The following RBFOX1 variants were observed in gnomAD, a reference collection of about 807,000 sequenced individuals.
RBFOX1 encodes RNA binding fox-1 homolog 1.
Under a neutral mutation model 57.7 loss-of-function variants are expected in RBFOX1, and 8 were observed. The observed-to-expected ratio is 0.14, with a 90% CI of 0.08 to 0.25. The LOEUF (loss-of-function observed/expected upper bound fraction) is 0.25, where lower values mean the gene tolerates loss of function less well. RBFOX1 is among the 10% of genes least tolerant of loss of function. The pLI, the probability that RBFOX1 is intolerant of heterozygous loss-of-function variation, is 1.00. For synonymous variants in RBFOX1, 326 were observed against 222.4 expected (o/e 1.47, Z -4.15); for missense variants, 611 against 548.5 (o/e 1.11, Z -1.14).
chr16:5,444,606 G>A (rs2068185456), intron 1 of RBFOX1, among the ~76,000 whole-genome samples: 1 of 152,134 alleles, frequency 6.6e-6, no homozygotes, highest in Non-Finnish European at 1.5e-5. Context: ...AGAAATTACG[G>A]GATCTCATGG....
intron 1 of RBFOX1, among the ~76,000 whole-genome samples, chr16:6,250,346 A>C (rs1057513359): frequency 6.6e-6 from 1 of 152,182 alleles, no homozygotes; most frequent in African/African-American, 2.4e-5. Context: ...TATTATTAGA[A>C]TATTAAGCGA....
At chr16:6,572,643 A>C (rs1454474927) in intron 2 of RBFOX1, among the ~76,000 whole-genome samples, 1 of 151,670 alleles carries the variant, frequency 6.6e-6, no homozygotes, top group African/African-American at 2.4e-5. Flanking sequence ...CCCAGGCTGG[A>C]GTGCAGTGTC....
chr16:7,014,241 C>T (rs1307472904), intron 3 of RBFOX1, among the ~76,000 whole-genome samples: 1 of 150,556 alleles, frequency 6.6e-6, no homozygotes, highest in Non-Finnish European at 1.5e-5. Flanking sequence ...AGTGGAGTCT[C>T]GCTCTGTCGC....
intron 1 of RBFOX1, among the ~76,000 whole-genome samples, chr16:6,163,941 G>A (rs998993699): frequency 1.3e-5 from 2 of 152,174 alleles, no homozygotes; most frequent in African/African-American, 2.4e-5. Context: ...ACAATGTGAT[G>A]TTATGGGATA....
At chr16:6,950,623 C>G (rs192777440) in intron 3 of RBFOX1, among the ~76,000 whole-genome samples, 1 of 152,060 alleles carries the variant, frequency 6.6e-6, no homozygotes, top group Non-Finnish European at 1.5e-5. Flanking sequence ...TGCTGTGTGC[C>G]TTATGTAGAA....
rs2048066679 is a variant in RBFOX1, at chr16:5,617,429, C to G, written c.318+18468C>G. 3.3e-5 allele frequency among the ~76,000 whole-genome samples: 5 copies of G among 152,318 alleles called. No homozygotes were observed. In the South Asian group the frequency reaches 1.0e-3, roughly 32 times the overall value. Reference sequence around the variant, plus strand: ...AGTCAAAGCCAGCCTTGCACTGAGTCAAAAACCCCAGAAGCTGTTTCTGTC... The same window carrying G: ...AGTCAAAGCCAGCCTTGCACTGAGTGAAAAACCCCAGAAGCTGTTTCTGTC... On this transcript the variant is annotated intron_variant, in intron 3 of 19. Transcript: ENST00000641259.
intron 2 of RBFOX1, among the ~76,000 whole-genome samples, chr16:6,457,444 C>CCCT (rs1555484706): frequency 2.3e-4 from 30 of 132,936 alleles, no homozygotes; most frequent in African/African-American, 8.0e-4. Flanking sequence ...GAAGTCCCCC[C>CCCT]CCCCGCAATA....
chr16:6,271,587 G>C (rs79932192), intron 1 of RBFOX1, among the ~76,000 whole-genome samples: 2,856 of 152,272 alleles, frequency 0.019, 107 homozygotes, highest in African/African-American at 0.065. Context: ...AAAACTGATA[G>C]AGAGATGACA....
intron 3 of RBFOX1, among the ~76,000 whole-genome samples, chr16:7,029,415 T>C (rs2042221702): frequency 6.6e-6 from 1 of 151,562 alleles, no homozygotes. Context: ...TCAGTTCTTC[T>C]TTTGCTCTTG....
intron 1 of RBFOX1, among the ~76,000 whole-genome samples, chr16:6,264,525 C>A (rs1355515039): frequency 1.3e-5 from 2 of 152,156 alleles, no homozygotes; most frequent in Non-Finnish European, 2.9e-5. Flanking sequence ...TCATTGCTTA[C>A]CATTCACCTC....
intron 3 of RBFOX1, among the ~76,000 whole-genome samples, chr16:6,812,720 G>T (rs1278592565): frequency 6.6e-6 from 1 of 152,086 alleles, no homozygotes; most frequent in African/African-American, 2.4e-5. Flanking sequence ...AATCTTTTAG[G>T]ACAAGTGTGG....
chr16:6,973,271 A>C (rs2085999652), intron 3 of RBFOX1, among the ~76,000 whole-genome samples: 1 of 152,310 alleles, frequency 6.6e-6, no homozygotes, highest in South Asian at 2.1e-4. Context: ...AAGTACTTGG[A>C]ATCAAGTTGA....
At chr16:7,162,450 C>A (rs11646928) in intron 4 of RBFOX1, among the ~76,000 whole-genome samples, 1 of 151,742 alleles carries the variant, frequency 6.6e-6, no homozygotes, top group South Asian at 2.1e-4. Context: ...ATCTAGACTT[C>A]TGGGCGCAGT....
chr16:6,958,357 A>G (rs143134094), intron 3 of RBFOX1, among the ~76,000 whole-genome samples: 8 of 152,306 alleles, frequency 5.3e-5, no homozygotes, highest in African/African-American at 9.6e-5. Context: ...TAGCATTTTT[A>G]TCACCCACCA....
chr16:7,119,197 A>G (rs1021001941), intron 4 of RBFOX1, among the ~76,000 whole-genome samples: 2 of 152,162 alleles, frequency 1.3e-5, no homozygotes, highest in East Asian at 3.9e-4. Context: ...AATCCCACCC[A>G]CAAGCAATGC....
rs570998993 is a variant in RBFOX1 at position 5,580,651 on chromosome 16, A to G, written c.259-18251A>G. Among the ~76,000 whole-genome samples, 17 of 152,254 alleles carry G rather than the reference A, an allele frequency of 1.1e-4. 1 individual carries two copies. The South Asian group carries it at 1.9e-3, about 17-fold the overall frequency. ...GTGGGTTTTGAGCTCCCCACACTGG[A>G]TACCTTTGGGGAGAGGATGCAAACG... On this transcript the variant is annotated intron_variant, in intron 2 of 2. Coordinates refer to the RBFOX1 transcript ENST00000585867.
intron 2 of RBFOX1, among the ~76,000 whole-genome samples, chr16:6,423,074 G>T (rs1047666421): frequency 6.6e-6 from 1 of 152,184 alleles, no homozygotes; most frequent in African/African-American, 2.4e-5. Flanking sequence ...GGGCAGCTAG[G>T]TTGATTCCAT....
intron 3 of RBFOX1, among the ~76,000 whole-genome samples, chr16:5,851,993 C>A (rs2056908871): frequency 6.6e-6 from 1 of 152,088 alleles, no homozygotes; most frequent in African/African-American, 2.4e-5. Flanking sequence ...AGGGCTGTTT[C>A]CCTTCTCTGT....
intron 1 of RBFOX1, among the ~76,000 whole-genome samples, chr16:5,434,678 A>G (rs575962563): frequency 6.6e-6 from 1 of 152,132 alleles, no homozygotes; most frequent in South Asian, 2.1e-4. Context: ...TTTCTTCGTT[A>G]TCTGTTTAAA....
Sources: gnomAD v4.1 joint callset for allele counts (sites outside exome capture counted in the v4.1 genomes callset) on GRCh38, gnomAD v4.1.1 for gene constraint, MANE v1.5 for transcripts, NCBI Gene and HGNC (gene_info 2026-07-23, HGNC 2026-07-21) for gene names.